CCDC192: variants seen among roughly 807,000 people sequenced by gnomAD.
CCDC192 encodes coiled-coil domain containing 192.
intron 5 of CCDC192, among the ~76,000 whole-genome samples, chr5:127,870,220 C>T (rs1288378203): frequency 6.6e-6 from 1 of 152,118 alleles, no homozygotes; most frequent in Non-Finnish European, 1.5e-5. Flanking sequence ...AAGAACAATA[C>T]CTGGCTCAGA....
At chr5:127,933,894 CAATG>C (rs1005422559) in intron 6 of CCDC192, among the ~76,000 whole-genome samples, 3 of 152,194 alleles carry the variant, frequency 2.0e-5, no homozygotes, top group African/African-American at 7.2e-5. Flanking sequence ...CCTTACTAGA[CAATG>C]AACGTGCCGG....
chr5:127,930,116 T>G (rs777032263), intron 6 of CCDC192, among the ~76,000 whole-genome samples: 20 of 152,194 alleles, frequency 1.3e-4, no homozygotes, highest in Admixed American at 5.9e-4. Context: ...TGCAGGAGAA[T>G]CGCTTGATCC....
chr5:127,923,524 C>T (rs898708526), intron 6 of CCDC192, among the ~76,000 whole-genome samples: 1 of 152,072 alleles, frequency 6.6e-6, no homozygotes, highest in South Asian at 2.1e-4. Context: ...ACTACAGGCG[C>T]CCGCCACCAT....
rs1754391837 is a variant in CCDC192, at chr5:127,941,162, C to T, written c.536-20C>T. 1 of 399,024 alleles carries T rather than the reference C, an allele frequency of 2.5e-6. No homozygotes were observed. 24.7% of individuals were successfully genotyped at this position (399,024 alleles called of 1,614,324 possible). ...ATCTAATCAAAACTGCTCAGACTTTCCTTTTCTTGTTTGCTTTAGAAGACA... is the reference window on the plus strand; with the variant it reads ...ATCTAATCAAAACTGCTCAGACTTTTCTTTTCTTGTTTGCTTTAGAAGACA... On this transcript the variant is annotated intron_variant, in intron 6 of 6. Coordinates refer to ENST00000514853, the MANE Select transcript of CCDC192 (RefSeq NM_001317938.2).
At chr5:127,710,996 A>G (rs1379234991) in intron 2 of CCDC192, among the ~76,000 whole-genome samples, 1 of 152,208 alleles carries the variant, frequency 6.6e-6, no homozygotes, top group Non-Finnish European at 1.5e-5. Context: ...GCATTTTAAC[A>G]TCTTCTGACA....
intron 2 of CCDC192, among the ~76,000 whole-genome samples, chr5:127,709,117 GA>G (rs1231844955): frequency 2.0e-5 from 2 of 100,786 alleles, no homozygotes; most frequent in African/African-American, 3.9e-5. Context: ...GAGAGAGAGA[GA>G]GAGAGGGAGA....
At chr5:127,872,029 A>G (rs1751885600) in intron 5 of CCDC192, among the ~76,000 whole-genome samples, 1 of 152,206 alleles carries the variant, frequency 6.6e-6, no homozygotes, top group Non-Finnish European at 1.5e-5. Flanking sequence ...GGAAAATATT[A>G]TTGTTGCTGA....
intron 3 of CCDC192, among the ~76,000 whole-genome samples, chr5:127,771,833 A>T (rs1296875889): frequency 1.3e-5 from 2 of 152,326 alleles, no homozygotes; most frequent in East Asian, 3.9e-4. Context: ...ACAGGTTTGA[A>T]GGGTGAATAC....
At chr5:127,886,070 C>A (rs1421532396) in intron 6 of CCDC192, among the ~76,000 whole-genome samples, 1 of 152,126 alleles carries the variant, frequency 6.6e-6, no homozygotes, top group Admixed American at 6.5e-5. Context: ...ACAGGTCTGG[C>A]AAGACTGAAA....
intron 2 of CCDC192, among the ~76,000 whole-genome samples, chr5:127,737,378 G>A (rs1753083037): frequency 6.6e-6 from 1 of 152,064 alleles, no homozygotes; most frequent in Admixed American, 6.6e-5. Context: ...AATAGATGTG[G>A]TGTGGTGCTG....
At chr5:127,897,576 A>G (rs1037013438) in intron 6 of CCDC192, among the ~76,000 whole-genome samples, 3 of 152,222 alleles carry the variant, frequency 2.0e-5, no homozygotes, top group African/African-American at 7.2e-5. Flanking sequence ...AGGATTTTTA[A>G]TATTATTCAA....
Position 127,863,652 on chromosome 5 carries a change from C to T in CCDC192, c.412-11886C>T, listed in dbSNP as rs56142554. Reference sequence around the variant, plus strand: ...CACAACAATGTGCCTATATGTAATACTACCGAACTGTACACTTAGAAACGG... The same window carrying T: ...CACAACAATGTGCCTATATGTAATATTACCGAACTGTACACTTAGAAACGG... On this transcript the variant is annotated intron_variant, in intron 5 of 6. Transcript: ENST00000514853. Among the ~76,000 whole-genome samples the T allele has an allele frequency of 7.4e-3, 1,124 of 152,268 alleles. 20 individuals are homozygous for T. The highest frequency in any genetic ancestry group is 0.025 in the African/African-American group (1,059 of 41,550).
At position 127,907,826 on chromosome 5, in the gene CCDC192, T is replaced by TC. The variant is rs113946264; in HGVS notation, c.535+32165_535+32166insC. 9.1e-3 allele frequency among the ~76,000 whole-genome samples: 1,384 copies of TC among 152,314 alleles called. 19 individuals are homozygous for TC. The highest frequency in any genetic ancestry group is 0.027 in the African/African-American group (1,126 of 41,572). On this transcript the variant is annotated intron_variant, in intron 6 of 6. Coordinates refer to ENST00000514853, the MANE Select transcript of CCDC192 (RefSeq NM_001317938.2). ...CTCAAAACAAAACCTACAAAAATCT[T>TC]TAGCCGGTTTGTAAAATTAGTTGAA...
Position 127,928,868 on chromosome 5 carries a change from C to T in CCDC192, c.536-12314C>T, listed in dbSNP as rs527962001. The stretch of plus-strand genomic sequence containing the variant: ...GCAACCTCTGCCTCCCAGCTTCAAG[C>T]AATTCTCCTGCCTCAGCCTCCTGAG... On this transcript the variant is annotated intron_variant, in intron 6 of 6. Coordinates refer to ENST00000514853, the MANE Select transcript of CCDC192 (RefSeq NM_001317938.2). Among the ~76,000 whole-genome samples the T allele has an allele frequency of 2.0e-3, 306 of 152,054 alleles. 1 individual carries two copies. Among genetic ancestry groups the T allele is most frequent in the Non-Finnish European group, 2.7e-3 (185 of 67,972 alleles).
At chr5:127,732,800 A>G (rs1752715293) in intron 2 of CCDC192, among the ~76,000 whole-genome samples, 2 of 152,188 alleles carry the variant, frequency 1.3e-5, no homozygotes, top group African/African-American at 2.4e-5. Context: ...ATGAGAACAC[A>G]TGAACACAGG....
chr5:127,924,326 T>C (rs1357727965), intron 6 of CCDC192, among the ~76,000 whole-genome samples: 2 of 152,206 alleles, frequency 1.3e-5, no homozygotes, highest in Non-Finnish European at 2.9e-5. Context: ...AACGAATGTG[T>C]GCCCTAAGCC....
chr5:127,926,861 A>C lies in CCDC192; in HGVS notation c.536-14321A>C, dbSNP rs61699730. 2.1e-3 allele frequency among the ~76,000 whole-genome samples: 317 copies of C among 152,290 alleles called. 2 individuals carry two copies. Among genetic ancestry groups the C allele is most frequent in the African/African-American group, 7.3e-3 (304 of 41,554 alleles). ...TAAGACCAGGAGTTTAAGAATCTCC[A>C]TGCAGTAATTACTCTGAGGAAAAGC... On this transcript the variant is annotated intron_variant, in intron 6 of 6. Coordinates refer to ENST00000514853, the MANE Select transcript of CCDC192 (RefSeq NM_001317938.2).
intron 5 of CCDC192, among the ~76,000 whole-genome samples, chr5:127,862,682 G>A (rs144682821): frequency 1.6e-3 from 246 of 152,298 alleles, no homozygotes; most frequent in African/African-American, 5.6e-3. Context: ...GTAGAAGATT[G>A]AAAGAAGTTC....
At chr5:127,784,805 A>T in intron 3 of CCDC192, 1 of 481,374 alleles carries the variant, frequency 2.1e-6, no homozygotes. Context: ...CATGATGGCC[A>T]TCTGAATCAG....
Sources: allele counts gnomAD v4.1 joint callset (sites outside exome capture counted in the v4.1 genomes callset), GRCh38; gene constraint gnomAD v4.1.1; transcripts MANE v1.5; gene names NCBI Gene and HGNC (gene_info 2026-07-23, HGNC 2026-07-21).